SPHK2: variants seen among roughly 807,000 people sequenced by gnomAD.
SPHK2 encodes the protein sphingosine kinase 2.
A neutral mutation model predicts 32.3 loss-of-function variants in SPHK2; 18 were observed. The ratio of observed to expected loss-of-function variants is 0.56; its 90% CI spans 0.39 to 0.83. SPHK2 has a LOEUF of 0.83. Ranked by LOEUF, SPHK2 falls within the 40% of genes least tolerant of loss-of-function variation. SPHK2 has a pLI of 0.00. For synonymous variants in SPHK2, 462 were observed against 417.6 expected (o/e 1.11, Z -1.30); for missense variants, 850 against 908.7 (o/e 0.94, Z 0.83).
chr19:48,628,792 C>T lies in SPHK2; in HGVS notation c.984C>T (p.Arg328=). The change falls in exon 7 of 7, where the codon CGC becomes CGT. Residue 328 remains arginine (R), a synonymous_variant. Coordinates refer to ENST00000245222, the MANE Select transcript of SPHK2 (RefSeq NM_020126.5). The surrounding 1 kb of genome is among the most constrained non-coding windows in gnomAD (Gnocchi z 5.2). ...CCGTGACGCTGGCCTCGGGCTCCCG[C>T]TGTTTCTCCTTCCTGTCTGTGGCCT... The part of the protein sequence containing the change: ...LLSVTLASGS[R]CFSFLSVAWG... The T allele has an allele frequency of 6.2e-7, 1 of 1,613,646 alleles. No individual in the cohort carries two copies. The highest frequency in any genetic ancestry group is 8.5e-7 in the Non-Finnish European group (1 of 1,180,024).
chr19:48,620,618 T>TA (rs34009920), intron 2 of SPHK2, 65 bp downstream of exon 2: 228,585 of 1,008,192 alleles, frequency 0.23, 4,017 homozygotes, highest in African/African-American at 0.35. Flanking sequence ...AGCTTTTCTT[T>TA]AAAAAAAAAA....
chr19:48,629,722 C>A lies in SPHK2; in HGVS notation c.1914C>A (p.Gly638=), dbSNP rs992965022. 1 of 1,607,750 alleles carries A rather than the reference C, an allele frequency of 6.2e-7. No individual in the cohort carries two copies. The highest frequency in any genetic ancestry group is 2.2e-5 in the East Asian group (1 of 44,782). ...CGCTACAGGCACAGATGCACCCTGG[C>A]ATCGGTACACTGCTCACTGGGCCTC... ...YGPLQAQMHP[G]IGTLLTGPPG... The change falls in exon 7 of 7, where the codon GGC becomes GGA. Residue 638 remains glycine, a synonymous_variant. Transcript: ENST00000245222.
intron 3 of SPHK2, chr19:48,626,633 GGT>G (rs1217612065): frequency 2.6e-6 from 1 of 383,734 alleles, no homozygotes; most frequent in African/African-American, 2.1e-5. Flanking sequence ...TGGCTAACAT[GGT>G]GAAACCCCAT....
intron 2 of SPHK2, 68 bp from the exon 3 acceptor site, chr19:48,625,823 C>CCCCTGCCCCT (rs1342391099): frequency 2.6e-6 from 4 of 1,561,018 alleles, no homozygotes; most frequent in South Asian, 1.2e-5. Flanking sequence ...CTGTCCACAG[C>CCCCTGCCCCT]CCCTGCCCCT....
intron 2 of SPHK2, among the ~76,000 whole-genome samples, chr19:48,622,634 T>C (rs1472349062): frequency 1.3e-5 from 2 of 152,090 alleles, no homozygotes; most frequent in East Asian, 1.9e-4. Flanking sequence ...TCTTACTGGG[T>C]TTCTGTTCCC....
rs1339746130 is a variant in SPHK2 at position 48,626,024 on chromosome 19, A to G, written c.173A>G (p.Tyr58Cys). ...TPLLHGEFGS[Y>C]PARGPRFALT... ...CTCCTCCATGGCGAGTTTGGCTCCT[A>G]CCCAGCCCGAGGCCCACGCTTTGCC... Residue 58 changes from tyrosine to cysteine, a missense_variant, in exon 3 of 7, where the codon TAC becomes TGC. Transcript: ENST00000245222. 3.7e-6 allele frequency: 6 copies of G among 1,613,298 alleles called. No homozygotes were observed. The highest frequency in any genetic ancestry group is 4.2e-6 in the Non-Finnish European group (5 of 1,179,892).
intron 2 of SPHK2, chr19:48,625,280 A>G (rs1473949824): frequency 2.7e-6 from 3 of 1,104,986 alleles, no homozygotes; most frequent in Non-Finnish European, 3.3e-6. Flanking sequence ...AGTATCTTTC[A>G]TCGCCTGAGT....
Position 48,626,349 on chromosome 19 carries a change from G to C in SPHK2, c.498G>C (p.Leu166=). The part of the protein sequence containing the change: ...ALTCLLRGLP[L]PGDGEITPDL... ...CCTGTCTGCTCCGAGGACTGCCACT[G>C]CCCGGGGATGGGGGTGAGGTGCTGG... Residue 166 remains leucine (L), a synonymous_variant, in exon 3 of 7, where the codon CTG becomes CTC. Transcript: ENST00000245222. The C allele has an allele frequency of 5.0e-6, 8 of 1,585,828 alleles. No individual in the cohort carries two copies. Among genetic ancestry groups the C allele is most frequent in the Non-Finnish European group, 6.8e-6 (8 of 1,174,444 alleles).
intron 1 of SPHK2, chr19:48,619,880 A>AG (rs1486471318): frequency 6.5e-6 from 1 of 153,286 alleles, no homozygotes; most frequent in Non-Finnish European, 1.5e-5. Context: ...GGAGGCCCAA[A>AG]GGGTAGGAAG....
chr19:48,626,297 A>G lies in SPHK2; in HGVS notation c.446A>G (p.Glu149Gly). The G allele has an allele frequency of 6.3e-7, 1 of 1,595,022 alleles. No homozygotes were observed. The highest frequency in any genetic ancestry group is 8.5e-7 in the Non-Finnish European group (1 of 1,178,094). The change falls in exon 3 of 7, where the codon GAG (glutamate) becomes GGG (glycine). Residue 149 changes from glutamate (E) to glycine (G), a missense_variant. Glu to Gly is a moderately conservative substitution (Grantham distance 98, BLOSUM62 -2). Coordinates refer to ENST00000245222, the MANE Select transcript of SPHK2 (RefSeq NM_020126.5). ...GCCACCTACGAAGAGAACCGTGCCG[A>G]GGCCCAGCGCTGGGCCACTGCCCTC... ...GAATYEENRA[E>G]AQRWATALTC...
rs1181919908 is a variant in SPHK2 at position 48,620,492 on chromosome 19, G to GT, written c.-22dup. 6.2e-7 allele frequency: 1 copy of GT among 1,611,574 alleles called. No individual in the cohort carries two copies. The highest frequency in any genetic ancestry group is 1.3e-5 in the African/African-American group (1 of 74,786). On this transcript the variant is annotated 5_prime_UTR_variant, in exon 2 of 7. The change abolishes the stop of an existing upstream ORF in the 5' untranslated region. Transcript: ENST00000245222. The stretch of plus-strand genomic sequence containing the variant: ...GACCCAGGGCCAGGGTCCCGTTGAT[G>GT]TAACAGAGCAGAGGACCAGCAGATG...
At position 48,629,748 on chromosome 19, in the gene SPHK2, C is replaced by A; in HGVS notation, c.1940C>A (p.Pro647His). Residue 647 changes from proline to histidine, a missense_variant, in exon 7 of 7, where the codon CCT becomes CAT. Pro to His is a moderately conservative substitution (Grantham distance 77). Around this residue, in one of 2 missense-constraint regions of SPHK2, gnomAD observed 306 missense variants for 268.6 expected, o/e 1.14. Transcript: ENST00000245222. Reference sequence around the variant, plus strand: ...ATCGGTACACTGCTCACTGGGCCTCCTGGCTGCCCGGGGCGGGAGCCCTGA... The same window carrying A: ...ATCGGTACACTGCTCACTGGGCCTCATGGCTGCCCGGGGCGGGAGCCCTGA... Reference protein sequence around the residue: ...PGIGTLLTGPPGCPGREP With the variant: ...PGIGTLLTGPHGCPGREP 6.3e-7 allele frequency: 1 copy of A among 1,585,012 alleles called. No individual in the cohort carries two copies.
At chr19:48,622,604 T>C (rs998252152) in intron 2 of SPHK2, among the ~76,000 whole-genome samples, 2 of 152,086 alleles carry the variant, frequency 1.3e-5, no homozygotes, top group Admixed American at 6.6e-5. Flanking sequence ...CCAAGCTCAG[T>C]TGCTGTGCCC....
At chr19:48,621,776 A>G (rs1477489838) in intron 2 of SPHK2, among the ~76,000 whole-genome samples, 1 of 152,192 alleles carries the variant, frequency 6.6e-6, no homozygotes, top group Admixed American at 6.5e-5. Flanking sequence ...CAGTTATTCA[A>G]TTGAGACATG....
At chr19:48,627,587 A>C in intron 3 of SPHK2, 105 bp from the exon 4 acceptor site, 1 of 1,377,536 alleles carries the variant, frequency 7.3e-7, no homozygotes, top group Non-Finnish European at 9.8e-7. Context: ...AGCAGGTCCC[A>C]GGGGCCAGCC....
Position 48,625,997 on chromosome 19 carries a change from C to T in SPHK2, c.146C>T (p.Pro49Leu), listed in dbSNP as rs45457791. ...PPPPPLAAST[P>L]LLHGEFGSYP... ...CCACCGCCACTGGCTGCCAGCACCC[C>T]GCTCCTCCATGGCGAGTTTGGCTCC... Residue 49 changes from proline to leucine, a missense_variant, in exon 3 of 7, where the codon CCG becomes CTG. By Grantham distance (98) the Pro-to-Leu change is moderately conservative. This residue lies in a region of SPHK2 where 544 missense variants were observed against 640.0 expected (regional missense o/e 0.85). Coordinates refer to ENST00000245222, the MANE Select transcript of SPHK2 (RefSeq NM_020126.5). 1.7e-5 allele frequency: 28 copies of T among 1,613,362 alleles called. No homozygotes were observed. Among genetic ancestry groups the T allele is most frequent in the African/African-American group, 4.0e-5 (3 of 75,062 alleles).
Position 48,628,594 on chromosome 19 carries a change from C to T in SPHK2, c.873-87C>T. On this transcript the variant is annotated intron_variant, in intron 6 of 6. Coordinates refer to ENST00000245222, the MANE Select transcript of SPHK2 (RefSeq NM_020126.5). This position sits in a 1 kb window ranked among gnomAD's most constrained non-coding sequence, Gnocchi z 5.2. ...GCCTGGGCCATGGCCTTCGTGGTCT[C>T]ATTGCCAGCTGCTTTCCTACCTGTC... is the stretch of plus-strand genomic sequence containing the variant. The T allele has an allele frequency of 2.0e-6, 3 of 1,529,814 alleles. No homozygotes were observed. Among genetic ancestry groups the T allele is most frequent in the Non-Finnish European group, 2.7e-6 (3 of 1,122,472 alleles). 94.8% of individuals were successfully genotyped at this position (1,529,814 alleles called of 1,614,324 possible).
Position 48,628,272 on chromosome 19 carries a change from CG to C in SPHK2, c.872+1del, listed in dbSNP as rs748435598. 3 of 1,612,960 alleles carry C rather than the reference CG, an allele frequency of 1.9e-6. No homozygotes were observed. The highest frequency in any genetic ancestry group is 2.5e-6 in the Non-Finnish European group (3 of 1,179,748). Reference sequence around the variant, plus strand: ...CGCTGGCCGGAGCAGTGAACCAGCACGGGGGGTAGGTTGAGGATACCACGAA... The same window carrying C: ...CGCTGGCCGGAGCAGTGAACCAGCACGGGGGTAGGTTGAGGATACCACGAA... ...NALAGAVNQH[G>X]GFEPALGLDL... On this transcript the variant is annotated frameshift_variant, in exon 6 of 7. Coordinates refer to ENST00000245222, the MANE Select transcript of SPHK2 (RefSeq NM_020126.5). LOFTEE classifies it low-confidence loss of function (END_TRUNC). This position sits in a 1 kb window ranked among gnomAD's most constrained non-coding sequence, Gnocchi z 5.2.
In SPHK2 at chr19:48,626,134, G is replaced by C; in HGVS notation, c.283G>C (p.Ala95Pro). The change falls in exon 3 of 7, where the codon GCC becomes CCC. Residue 95 changes from alanine (A) to proline (P), a missense_variant. Physicochemically the swap from Ala to Pro is conservative, Grantham distance 27. Around this residue, in one of 2 missense-constraint regions of SPHK2, gnomAD observed 544 missense variants for 640.0 expected, o/e 0.85. Coordinates refer to ENST00000245222, the MANE Select transcript of SPHK2 (RefSeq NM_020126.5). Reference sequence around the variant, plus strand: ...GCCCCGGGGTGGCCTGGTCCCGTTGGCCGAGGTCTCAGGCTGCTGCACCCT... The same window carrying C: ...GCCCCGGGGTGGCCTGGTCCCGTTGCCCGAGGTCTCAGGCTGCTGCACCCT... ...ARPRGGLVPLAEVSGCCTLRS... is the reference protein window; with the variant it reads ...ARPRGGLVPLPEVSGCCTLRS... 6.2e-7 allele frequency: 1 copy of C among 1,606,080 alleles called. No individual in the cohort carries two copies. Among genetic ancestry groups the C allele is most frequent in the Non-Finnish European group, 8.5e-7 (1 of 1,176,048 alleles).
Sources: gnomAD v4.1 joint callset for allele counts (sites outside exome capture counted in the v4.1 genomes callset) on GRCh38, gnomAD v4.1.1 for gene constraint, gnomAD v4.1.1 regional missense constraint, Gnocchi (gnomAD v3.1) non-coding constraint, MANE v1.5 for transcripts, NCBI Gene and HGNC (gene_info 2026-07-23, HGNC 2026-07-21) for gene names.